The following LRP1B variants were observed in gnomAD, a reference collection of about 807,000 sequenced individuals.
LRP1B encodes low-density lipoprotein receptor-related protein 1B.
LRP1B carries 217 observed loss-of-function variants against 556.6 expected under a neutral mutation model. That is an observed-to-expected ratio of 0.39 (90% CI 0.35 to 0.44). The LOEUF (loss-of-function observed/expected upper bound fraction) is 0.44, where lower values mean the gene tolerates loss of function less well. Among genes scored for constraint, LRP1B ranks in the 20% least tolerant of loss-of-function variants. The probability of loss-of-function intolerance (pLI) is 1.00; values close to 1 mark genes in which losing one functional copy is unlikely to be tolerated. For missense variants in LRP1B, 5,053 were observed against 5,620.8 expected, an observed-to-expected ratio of 0.90 and a Z score of 3.23; for synonymous variants, 2,047 against 1,865.8, an observed-to-expected ratio of 1.10 and a Z score of -2.50.
chr2:141,397,357 TC>T (rs1470568218), intron 3 of LRP1B, among the ~76,000 whole-genome samples: 1 of 151,928 alleles, frequency 6.6e-6, no homozygotes, highest in African/African-American at 2.4e-5. Flanking sequence ...TACCTATATT[TC>T]CATTCTATTT....
chr2:141,299,563 C>G (rs1686310107), intron 3 of LRP1B, among the ~76,000 whole-genome samples: 3 of 152,108 alleles, frequency 2.0e-5, no homozygotes. Context: ...TGAATTTAGT[C>G]AATTTAAATA....
intron 6 of LRP1B, among the ~76,000 whole-genome samples, chr2:141,199,739 C>T (rs1399505111): frequency 6.6e-6 from 1 of 151,276 alleles, no homozygotes; most frequent in African/African-American, 2.4e-5. Flanking sequence ...AAATGTTTGT[C>T]CAACCCCATT....
At chr2:140,368,235 CAGAAAATATTA>C (rs1270553583) in intron 71 of LRP1B, among the ~76,000 whole-genome samples, 5 of 151,594 alleles carry the variant, frequency 3.3e-5, no homozygotes, top group African/African-American at 1.2e-4. Context: ...ATCAGCTCAA[CAGAAAATATTA>C]GGAAAATAGA....
chr2:141,830,396 T>C (rs13006999), intron 1 of LRP1B, among the ~76,000 whole-genome samples: 3,058 of 151,940 alleles, frequency 0.02, 89 homozygotes, highest in African/African-American at 0.056. Flanking sequence ...TAAAAGTAAA[T>C]TGAATGTATG....
chr2:141,269,273 C>T (rs570073922), intron 3 of LRP1B, among the ~76,000 whole-genome samples: 1 of 152,140 alleles, frequency 6.6e-6, no homozygotes, highest in African/African-American at 2.4e-5. Context: ...TAAAACCAGA[C>T]AGAAAAAAAT....
At chr2:141,258,883 C>T (rs1371995247) in intron 3 of LRP1B, among the ~76,000 whole-genome samples, 1 of 152,166 alleles carries the variant, frequency 6.6e-6, no homozygotes, top group Non-Finnish European at 1.5e-5. Context: ...TCTTCCTGTA[C>T]AGCCTGCAGA....
intron 2 of LRP1B, among the ~76,000 whole-genome samples, chr2:141,724,386 T>C (rs1275342696): frequency 6.6e-6 from 1 of 151,892 alleles, no homozygotes; most frequent in Non-Finnish European, 1.5e-5. Context: ...CAAAAATTCA[T>C]GAATTGAATT....
chr2:141,620,862 G>A (rs561235396), intron 2 of LRP1B, among the ~76,000 whole-genome samples: 15 of 151,532 alleles, frequency 9.9e-5, no homozygotes, highest in Non-Finnish European at 1.9e-4. Context: ...AGGTTAGTTG[G>A]ACATACTGGG....
chr2:142,058,974 A>G lies in LRP1B; in HGVS notation c.82+71674T>C, dbSNP rs548290341. On this transcript the variant is annotated intron_variant, in intron 1 of 90. Transcript: ENST00000389484. ...TAGGAGAAATAGTAGGGCATGATTT[A>G]TAGGGTTTGCCATAAGCATTATTTA... 3.9e-4 allele frequency among the ~76,000 whole-genome samples: 60 copies of G among 152,274 alleles called. 1 individual carries two copies. The highest frequency in any genetic ancestry group is 1.4e-3 in the African/African-American group (58 of 41,574).
intron 3 of LRP1B, among the ~76,000 whole-genome samples, chr2:141,281,518 C>T (rs1012918157): frequency 5.9e-5 from 9 of 151,944 alleles, no homozygotes; most frequent in African/African-American, 2.2e-4. Flanking sequence ...AACACATATG[C>T]TTAATGAAAT....
chr2:141,019,031 G>T (rs1697991257), intron 12 of LRP1B, among the ~76,000 whole-genome samples: 1 of 151,880 alleles, frequency 6.6e-6, no homozygotes, highest in African/African-American at 2.4e-5. Context: ...TAATATGTAA[G>T]CCATGGAAGG....
chr2:142,052,863 T>G lies in LRP1B; in HGVS notation c.82+77785A>C, dbSNP rs557567462. Among the ~76,000 whole-genome samples, 38 of 152,278 alleles carry G rather than the reference T, an allele frequency of 2.5e-4. 1 individual carries two copies. The highest frequency in any genetic ancestry group is 2.3e-3 in the South Asian group (11 of 4,832). On this transcript the variant is annotated intron_variant, in intron 1 of 90. Coordinates refer to ENST00000389484, the MANE Select transcript of LRP1B (RefSeq NM_018557.3). ...ATTTAAAGAGGAAAAAGGTAAGAACTCCACAGGGGTAGTGCTAATTGATTT... is the reference window on the plus strand; with the variant it reads ...ATTTAAAGAGGAAAAAGGTAAGAACGCCACAGGGGTAGTGCTAATTGATTT...
chr2:140,693,405 A>C (rs2105403820), intron 41 of LRP1B, among the ~76,000 whole-genome samples: 1 of 151,116 alleles, frequency 6.6e-6, no homozygotes, highest in South Asian at 2.1e-4. Context: ...ATGGCCTCAA[A>C]ACCCTGGACT....
intron 1 of LRP1B, among the ~76,000 whole-genome samples, chr2:142,011,582 A>G (rs1702960923): frequency 6.6e-6 from 1 of 152,172 alleles, no homozygotes; most frequent in Non-Finnish European, 1.5e-5. Context: ...AGGAGACTGC[A>G]TGCTTTCTGC....
At chr2:141,687,461 T>C (rs1478714657) in intron 2 of LRP1B, among the ~76,000 whole-genome samples, 1 of 152,030 alleles carries the variant, frequency 6.6e-6, no homozygotes, top group African/African-American at 2.4e-5. Flanking sequence ...TACTTAGCCA[T>C]GTTTTCATCT....
chr2:141,568,249 T>C (rs1195843709), intron 2 of LRP1B, among the ~76,000 whole-genome samples: 1 of 151,016 alleles, frequency 6.6e-6, no homozygotes, highest in Non-Finnish European at 1.5e-5. Flanking sequence ...AATGTCAAAA[T>C]AATTTTACAT....
chr2:141,021,704 A>G (rs1445079637), intron 11 of LRP1B, among the ~76,000 whole-genome samples: 2 of 151,956 alleles, frequency 1.3e-5, no homozygotes, highest in Non-Finnish European at 2.9e-5. Context: ...CTTTTAACAT[A>G]TGACTTGAGA....
chr2:140,807,721 G>C (rs7591318), intron 32 of LRP1B, among the ~76,000 whole-genome samples: 68,980 of 151,936 alleles, frequency 0.45, 16,864 homozygotes, highest in East Asian at 0.58. Flanking sequence ...AAATATCTAA[G>C]AGAAAAGGTT....
intron 7 of LRP1B, among the ~76,000 whole-genome samples, chr2:141,080,597 T>G (rs1699898655): frequency 6.6e-6 from 1 of 152,226 alleles, no homozygotes; most frequent in South Asian, 2.1e-4. Context: ...CATCAAATAC[T>G]TATTGAGCAT....
Sources: allele counts gnomAD v4.1 joint callset (sites outside exome capture counted in the v4.1 genomes callset), GRCh38; gene constraint gnomAD v4.1.1; transcripts MANE v1.5; gene names NCBI Gene and HGNC (gene_info 2026-07-23, HGNC 2026-07-21).